INTS9: variants seen among roughly 807,000 people sequenced by gnomAD.
The protein encoded by INTS9 is protein related to CPSF subunits of 74 kDa.
In INTS9, 55 loss-of-function variants were observed where a neutral mutation model predicts 79.7. The observed-to-expected ratio is 0.69, with a 90% CI of 0.56 to 0.86. The LOEUF (loss-of-function observed/expected upper bound fraction) is 0.86. INTS9 is among the 40% of genes least tolerant of loss of function. The pLI is 0.00. For synonymous variants in INTS9, 319 were observed against 325.2 expected (o/e 0.98, Z 0.20); for missense variants, 721 against 831.5 (o/e 0.87, Z 1.64).
intron 16 of INTS9, among the ~76,000 whole-genome samples, chr8:28,769,007 G>C (rs1049211375): frequency 6.6e-6 from 1 of 152,158 alleles, no homozygotes; most frequent in South Asian, 2.1e-4. Flanking sequence ...CTCATCTTAA[G>C]TTTTTAAAAG....
intron 10 of INTS9, among the ~76,000 whole-genome samples, chr8:28,790,734 GTT>G (rs1012752210): frequency 1.3e-5 from 2 of 152,264 alleles, no homozygotes; most frequent in Non-Finnish European, 2.9e-5. Context: ...CCCACTGCCT[GTT>G]CTTCTAACCT....
At chr8:28,794,284 G>A (rs17522554) in intron 9 of INTS9, among the ~76,000 whole-genome samples, 16,875 of 152,170 alleles carry the variant, frequency 0.11, 1,195 homozygotes, top group Middle Eastern at 0.17. Context: ...GCTCCTTCCC[G>A]TTTTAGATCC....
chr8:28,777,826 T>C lies in INTS9; in HGVS notation c.1395+3A>G. On this transcript the variant is annotated splice_donor_region_variant and intron_variant, in intron 13 of 16. Transcript: ENST00000521022. ...TGAAGGCACAAGCAGTGTCCTTCAT[T>C]ACCTGCACTTCTTTAAGCAGCTTTG... The C allele has an allele frequency of 6.2e-7, 1 of 1,602,604 alleles. No homozygotes were observed. Among genetic ancestry groups the C allele is most frequent in the South Asian group, 1.1e-5 (1 of 89,506 alleles).
chr8:28,769,968 T>C lies in INTS9; in HGVS notation c.1721A>G (p.Asp574Gly), dbSNP rs1398117553. The C allele has an allele frequency of 3.7e-6, 6 of 1,614,060 alleles. No individual in the cohort carries two copies. The highest frequency in any genetic ancestry group is 1.7e-5 in the Admixed American group (1 of 60,006). ...SGKKRKRVSD[D>G]VPDCKVLKPL... Reference sequence around the variant, plus strand: ...CTTCAGGACTTTGCAGTCTGGTACGTCATCGCTCACCCGCTTTCTCTTCTT... The same window carrying C: ...CTTCAGGACTTTGCAGTCTGGTACGCCATCGCTCACCCGCTTTCTCTTCTT... Residue 574 changes from aspartate to glycine, a missense_variant, in exon 16 of 17, where the codon GAC becomes GGC. Coordinates refer to ENST00000521022, the MANE Select transcript of INTS9 (RefSeq NM_018250.4).
chr8:28,797,208 A>G (rs2130973265), intron 8 of INTS9, among the ~76,000 whole-genome samples: 1 of 152,364 alleles, frequency 6.6e-6, no homozygotes, highest in African/African-American at 2.4e-5. Context: ...CACTTTGAGA[A>G]GCATACGTTA....
chr8:28,886,216 A>AT (rs1025040061), intron 1 of INTS9, among the ~76,000 whole-genome samples: 1 of 151,784 alleles, frequency 6.6e-6, no homozygotes, highest in Non-Finnish European at 1.5e-5. Flanking sequence ...CTTAAAAAAA[A>AT]TTTTTTTTTA....
chr8:28,813,864 G>A (rs1385876057), intron 6 of INTS9, among the ~76,000 whole-genome samples: 2 of 151,906 alleles, frequency 1.3e-5, no homozygotes, highest in African/African-American at 2.4e-5. Flanking sequence ...GGGTTCAAGC[G>A]AATCTCCTGC....
At chr8:28,809,121 T>A (rs59015134) in intron 8 of INTS9, among the ~76,000 whole-genome samples, 5,902 of 152,108 alleles carry the variant, frequency 0.039, 403 homozygotes, top group African/African-American at 0.13. Context: ...GGCTTTTTTT[T>A]ATTTTATTTT....
chr8:28,861,769 C>T (rs1292870122), intron 1 of INTS9, among the ~76,000 whole-genome samples: 1 of 152,200 alleles, frequency 6.6e-6, no homozygotes. Flanking sequence ...AAAGAAAGTT[C>T]GCTGGAAGAC....
intron 8 of INTS9, among the ~76,000 whole-genome samples, chr8:28,809,678 A>T (rs1585391060): frequency 6.6e-6 from 1 of 152,218 alleles, no homozygotes; most frequent in African/African-American, 2.4e-5. Context: ...CAACCAAGTC[A>T]TCTTTCTGTC....
chr8:28,788,480 G>A (rs944388823), intron 10 of INTS9, among the ~76,000 whole-genome samples: 5 of 152,130 alleles, frequency 3.3e-5, no homozygotes, highest in African/African-American at 4.8e-5. Context: ...GTGCAATGGC[G>A]CGATCTCGGC....
intron 1 of INTS9, among the ~76,000 whole-genome samples, chr8:28,873,006 C>T (rs1388793459): frequency 6.6e-6 from 1 of 151,646 alleles, no homozygotes; most frequent in East Asian, 1.9e-4. Context: ...CCTCTCAGGA[C>T]TCAGAAGTAT....
At chr8:28,885,723 T>C (rs1417262386) in intron 1 of INTS9, among the ~76,000 whole-genome samples, 1 of 152,260 alleles carries the variant, frequency 6.6e-6, no homozygotes, top group Non-Finnish European at 1.5e-5. Flanking sequence ...AATTTTTTGT[T>C]CCATGTTCTT....
At chr8:28,862,041 G>A (rs577673927) in intron 1 of INTS9, 31 of 982,192 alleles carry the variant, frequency 3.2e-5, no homozygotes, top group East Asian at 1.1e-4. Flanking sequence ...ACTGCTCACC[G>A]TGGGTCAACT....
At chr8:28,865,792 A>T (rs1808712879) in intron 1 of INTS9, among the ~76,000 whole-genome samples, 1 of 152,208 alleles carries the variant, frequency 6.6e-6, no homozygotes, top group African/African-American at 2.4e-5. Flanking sequence ...TCTAACACAT[A>T]ACTCGTCTTT....
chr8:28,780,686 C>A, intron 12 of INTS9, 137 bp downstream of exon 12: 1 of 1,454,716 alleles, frequency 6.9e-7, no homozygotes, highest in Non-Finnish European at 9.0e-7. Flanking sequence ...TTTCTTCATT[C>A]TTTGGTACCT....
At chr8:28,780,470 A>G (rs1803189912) in intron 12 of INTS9, 2 of 985,262 alleles carry the variant, frequency 2.0e-6, no homozygotes, top group Non-Finnish European at 2.4e-6. Context: ...CACAATCAGA[A>G]GAAAAAGATC....
At chr8:28,768,751 A>C (rs2130829909) in intron 16 of INTS9, among the ~76,000 whole-genome samples, 1 of 152,384 alleles carries the variant, frequency 6.6e-6, no homozygotes, top group South Asian at 2.1e-4. Context: ...AGAAGGCAGC[A>C]GTGCAAACTT....
chr8:28,822,423 C>T (rs1013183259), intron 6 of INTS9, among the ~76,000 whole-genome samples: 1 of 152,178 alleles, frequency 6.6e-6, no homozygotes, highest in Non-Finnish European at 1.5e-5. Flanking sequence ...TCCACCACAA[C>T]TATTCAACTT....
Sources: allele counts gnomAD v4.1 joint callset (sites outside exome capture counted in the v4.1 genomes callset), GRCh38; gene constraint gnomAD v4.1.1; transcripts MANE v1.5; gene names NCBI Gene and HGNC (gene_info 2026-07-23, HGNC 2026-07-21).